The following GPR39 variants were observed in gnomAD, a reference collection of about 807,000 sequenced individuals.
GPR39 encodes the protein zinc sensing receptor.
A neutral mutation model predicts 18.4 loss-of-function variants in GPR39; 23 were observed. The ratio of observed to expected loss-of-function variants is 1.25; its 90% CI spans 0.90 to 1.77. GPR39 has a LOEUF of 1.77. Among genes scored for constraint, GPR39 ranks in the 40% most tolerant of loss-of-function variants. The pLI, the probability that GPR39 is intolerant of heterozygous loss-of-function variation, is 0.00. For missense variants in GPR39, 647 were observed against 602.4 expected (o/e 1.07, Z -0.78); for synonymous variants, 280 against 257.9 (o/e 1.09, Z -0.82).
chr2:132,580,429 T>C (rs1387936683), intron 1 of GPR39, among the ~76,000 whole-genome samples: 1 of 152,218 alleles, frequency 6.6e-6, no homozygotes, highest in African/African-American at 2.4e-5. Flanking sequence ...GAGTAGTCAG[T>C]TGACTTTATC....
At chr2:132,537,243 A>T (rs947910542) in intron 1 of GPR39, among the ~76,000 whole-genome samples, 18 of 152,118 alleles carry the variant, frequency 1.2e-4, no homozygotes, top group Non-Finnish European at 1.9e-4. Context: ...TTCCTTGAGG[A>T]GCTCTTGTAA....
intron 1 of GPR39, among the ~76,000 whole-genome samples, chr2:132,427,566 C>T (rs960256483): frequency 1.3e-5 from 2 of 150,632 alleles, no homozygotes; most frequent in Admixed American, 1.3e-4. Flanking sequence ...TCTTTGGAGA[C>T]ATATACTCAG....
At chr2:132,605,463 C>T (rs1309480796) in intron 1 of GPR39, among the ~76,000 whole-genome samples, 3 of 151,988 alleles carry the variant, frequency 2.0e-5, no homozygotes, top group Non-Finnish European at 4.4e-5. Context: ...TCATTGATGG[C>T]CCCAGAAGCA....
In GPR39 at chr2:132,438,483, C is replaced by A. The variant is rs555780083; in HGVS notation, c.856+20585C>A. On this transcript the variant is annotated intron_variant, in intron 1 of 1. Transcript: ENST00000329321. ...CTGGCTTGAGGTCACTGGCAGACAACCACTTGATTCCCTTAGGTCAGGGGT... is the reference window on the plus strand; with the variant it reads ...CTGGCTTGAGGTCACTGGCAGACAAACACTTGATTCCCTTAGGTCAGGGGT... Among the ~76,000 whole-genome samples, 7 of 151,770 alleles carry A rather than the reference C, an allele frequency of 4.6e-5. No homozygotes were observed. The East Asian group carries it at 9.7e-4, about 21-fold the overall frequency.
intron 1 of GPR39, among the ~76,000 whole-genome samples, chr2:132,552,806 G>A (rs930176451): frequency 1.3e-4 from 18 of 141,952 alleles, no homozygotes; most frequent in African/African-American, 4.8e-4. Flanking sequence ...ATGTGTGTGT[G>A]TGTGTGTGTG....
intron 1 of GPR39, among the ~76,000 whole-genome samples, chr2:132,582,032 C>T (rs1015444147): frequency 3.3e-5 from 5 of 152,220 alleles, no homozygotes; most frequent in African/African-American, 4.8e-5. Flanking sequence ...CTGCTGCTGT[C>T]GGAGTCACCT....
At chr2:132,483,320 C>T (rs1407775907) in intron 1 of GPR39, among the ~76,000 whole-genome samples, 2 of 152,214 alleles carry the variant, frequency 1.3e-5, no homozygotes, top group African/African-American at 4.8e-5. Flanking sequence ...TACAAGGTCA[C>T]CTCTCACCCA....
rs545887348 is a variant in GPR39 at position 132,483,406 on chromosome 2, C to G, written c.856+65508C>G. 3.9e-5 allele frequency among the ~76,000 whole-genome samples: 6 copies of G among 152,320 alleles called. No individual in the cohort carries two copies. The South Asian group carries it at 8.3e-4, about 21-fold the overall frequency. ...ATCCAGCTCTAGTGGGTGCATGGCA[C>G]GAATGTTGGGCAGGCTGGGCAGCCC... On this transcript the variant is annotated intron_variant, in intron 1 of 1. Transcript: ENST00000329321.
At chr2:132,468,122 T>C (rs781708555) in intron 1 of GPR39, among the ~76,000 whole-genome samples, 23 of 152,202 alleles carry the variant, frequency 1.5e-4, no homozygotes, top group Non-Finnish European at 4.4e-5. Context: ...TTTTTTCTGC[T>C]AATATTTGTG....
chr2:132,554,488 A>G (rs771451412), intron 1 of GPR39, among the ~76,000 whole-genome samples: 8 of 152,168 alleles, frequency 5.3e-5, no homozygotes, highest in Non-Finnish European at 1.0e-4. Context: ...GAATGAGGGG[A>G]TTTATGTAGA....
chr2:132,501,224 AATGCT>A (rs1328946998), intron 1 of GPR39, among the ~76,000 whole-genome samples: 1 of 151,926 alleles, frequency 6.6e-6, no homozygotes, highest in African/African-American at 2.4e-5. Context: ...GTAGGCATTT[AATGCT>A]ATGAACTTTC....
At chr2:132,616,469 G>C (rs1681336854) in intron 1 of GPR39, among the ~76,000 whole-genome samples, 1 of 152,180 alleles carries the variant, frequency 6.6e-6, no homozygotes, top group South Asian at 2.1e-4. Context: ...GAGCCTGTAG[G>C]GGCCCAGGAA....
chr2:132,445,997 G>C lies in GPR39; in HGVS notation c.856+28099G>C, dbSNP rs552412733. 6.5e-4 allele frequency among the ~76,000 whole-genome samples: 99 copies of C among 152,286 alleles called. 1 individual carries two copies. Among genetic ancestry groups the C allele is most frequent in the Middle Eastern group, 3.4e-3 (1 of 294 alleles). On this transcript the variant is annotated intron_variant, in intron 1 of 1. Coordinates refer to ENST00000329321, the MANE Select transcript of GPR39 (RefSeq NM_001508.3). ...GCAGGAGAAATGGCAAGCCAGAAGC[G>C]GGGGTGTGTTTTGAGGAAGGGGGTG...
chr2:132,633,843 T>A (rs1028371893), intron 1 of GPR39, among the ~76,000 whole-genome samples: 16 of 151,792 alleles, frequency 1.1e-4, no homozygotes, highest in African/African-American at 3.9e-4. Flanking sequence ...GAGGTGATGA[T>A]GTTGGTGGGG....
rs566252487 is a variant in GPR39, at chr2:132,563,734, G to A, written c.857-81367G>A. ...TACTCCAAGCCAATTAAATGAGAACGTCTGGGAGTGGGGCCCTGGCATTGT... is the reference window on the plus strand; with the variant it reads ...TACTCCAAGCCAATTAAATGAGAACATCTGGGAGTGGGGCCCTGGCATTGT... On this transcript the variant is annotated intron_variant, in intron 1 of 1. Transcript: ENST00000329321. Among the ~76,000 whole-genome samples the A allele has an allele frequency of 6.4e-4, 98 of 152,286 alleles. 1 individual carries two copies. The highest frequency in any genetic ancestry group is 1.9e-3 in the African/African-American group (79 of 41,560).
intron 1 of GPR39, among the ~76,000 whole-genome samples, chr2:132,549,110 G>A (rs1321714005): frequency 2.6e-5 from 4 of 152,112 alleles, no homozygotes; most frequent in Non-Finnish European, 4.4e-5. Context: ...TCATATCCTA[G>A]GCTTGACTAG....
intron 1 of GPR39, among the ~76,000 whole-genome samples, chr2:132,439,548 CAG>C (rs1218613567): frequency 4.6e-5 from 7 of 152,128 alleles, no homozygotes; most frequent in Non-Finnish European, 1.0e-4. Context: ...AGCTACCACT[CAG>C]AAAGAAAACA....
At chr2:132,536,830 T>C (rs7564284) in intron 1 of GPR39, among the ~76,000 whole-genome samples, 26,258 of 152,216 alleles carry the variant, frequency 0.17, 2,300 homozygotes, top group Middle Eastern at 0.24. Flanking sequence ...AATGCACTTC[T>C]TGGTCTTTTT....
chr2:132,565,033 G>A (rs1680324410), intron 1 of GPR39, among the ~76,000 whole-genome samples: 2 of 151,644 alleles, frequency 1.3e-5, no homozygotes, highest in Admixed American at 6.6e-5. Context: ...TGGCCAGGAT[G>A]GTCTCGAACT....
Sources: allele counts gnomAD v4.1 joint callset (sites outside exome capture counted in the v4.1 genomes callset), GRCh38; gene constraint gnomAD v4.1.1; transcripts MANE v1.5; gene names NCBI Gene and HGNC (gene_info 2026-07-23, HGNC 2026-07-21).